ACBD6: variants seen among roughly 807,000 people sequenced by gnomAD.
ACBD6 encodes acyl-CoA-binding domain-containing protein 6.
Under a neutral mutation model 37.2 loss-of-function variants are expected in ACBD6, and 28 were observed. The ratio of observed to expected loss-of-function variants is 0.75; its 90% CI spans 0.56 to 1.03. The LOEUF (loss-of-function observed/expected upper bound fraction) is 1.03. ACBD6 is among the 50% of genes least tolerant of loss of function. ACBD6 has a pLI of 0.00. For synonymous variants in ACBD6, 113 were observed against 126.8 expected (o/e 0.89, Z 0.73); for missense variants, 340 against 337.4 (o/e 1.01, Z -0.06).
At chr1:180,338,351 C>G (rs149767401) in intron 6 of ACBD6, among the ~76,000 whole-genome samples, 3,004 of 152,226 alleles carry the variant, frequency 0.02, 101 homozygotes, top group African/African-American at 0.068. Flanking sequence ...TGGAACAGAA[C>G]AGAGCCCTCA....
intron 3 of ACBD6, among the ~76,000 whole-genome samples, chr1:180,479,526 A>G (rs906951983): frequency 1.3e-5 from 2 of 152,148 alleles, no homozygotes; most frequent in Non-Finnish European, 2.9e-5. Flanking sequence ...AATGAAGAGA[A>G]GTGGGTTAAA....
At chr1:180,294,842 C>T (rs894426356) in intron 7 of ACBD6, among the ~76,000 whole-genome samples, 3 of 151,740 alleles carry the variant, frequency 2.0e-5, no homozygotes, top group African/African-American at 7.3e-5. Flanking sequence ...CTTACAGGCT[C>T]AAACAACTAT....
chr1:180,336,289 G>C (rs1651715646), intron 6 of ACBD6, among the ~76,000 whole-genome samples: 1 of 146,758 alleles, frequency 6.8e-6, no homozygotes, highest in Admixed American at 6.9e-5. Context: ...AAATGTAAAA[G>C]AACAGAAATT....
intron 3 of ACBD6, among the ~76,000 whole-genome samples, chr1:180,490,413 C>T (rs375919897): frequency 8.3e-4 from 125 of 151,472 alleles, no homozygotes; most frequent in African/African-American, 2.9e-3. Flanking sequence ...GAGGCCGAAG[C>T]GGGTGGATCA....
intron 3 of ACBD6, among the ~76,000 whole-genome samples, chr1:180,484,735 C>T (rs143388518): frequency 8.5e-5 from 13 of 152,132 alleles, no homozygotes; most frequent in African/African-American, 2.4e-4. Flanking sequence ...CGTATGTATA[C>T]GTATACATAC....
rs1303508743 is a variant in ACBD6, at chr1:180,465,019, A to G, written c.384+27250T>C. Among the ~76,000 whole-genome samples, 6 of 152,328 alleles carry G rather than the reference A, an allele frequency of 3.9e-5. No homozygotes were observed. In the East Asian group the frequency reaches 9.6e-4, roughly 24 times the overall value. The stretch of plus-strand genomic sequence containing the variant: ...GCTGAACCCCTTCCTTACATCGTAC[A>G]CAAAAATCAATTCAAGATGGATTAA... On this transcript the variant is annotated intron_variant, in intron 3 of 7. Transcript: ENST00000367595.
intron 3 of ACBD6, among the ~76,000 whole-genome samples, chr1:180,440,091 T>C (rs1347852161): frequency 6.6e-6 from 1 of 152,076 alleles, no homozygotes; most frequent in Non-Finnish European, 1.5e-5. Context: ...CTTTTGTTTA[T>C]TTGGAAAAAG....
At chr1:180,297,285 T>C (rs1649956227) in intron 7 of ACBD6, among the ~76,000 whole-genome samples, 1 of 152,172 alleles carries the variant, frequency 6.6e-6, no homozygotes, top group Non-Finnish European at 1.5e-5. Flanking sequence ...ATATATTTTG[T>C]GATCCTTTAC....
chr1:180,370,899 T>C (rs1021373564), intron 6 of ACBD6, among the ~76,000 whole-genome samples: 2 of 152,134 alleles, frequency 1.3e-5, no homozygotes, highest in Admixed American at 6.5e-5. Flanking sequence ...ATGGAAAACA[T>C]GTGGGTTCCA....
intron 2 of ACBD6, among the ~76,000 whole-genome samples, chr1:180,494,512 C>T (rs1379501860): frequency 6.6e-6 from 1 of 152,108 alleles, no homozygotes; most frequent in Non-Finnish European, 1.5e-5. Flanking sequence ...AACTAAACAG[C>T]GTGGTTAGTG....
rs2794963 is a variant in ACBD6 at position 180,270,501 on chromosome 1, C to A, written c.*2724G>T. On this transcript the variant is annotated 3_prime_UTR_variant, in exon 14 of 14. Transcript: ENST00000642319. ...ACATTCACCTGTGCTTCCGAACACACGCACGCGCCTCTCTCTGTACCTGAC... is the reference window on the plus strand; with the variant it reads ...ACATTCACCTGTGCTTCCGAACACAAGCACGCGCCTCTCTCTGTACCTGAC... 3.5e-3 allele frequency: 532 copies of A among 152,312 alleles called. 4 individuals carry two copies. The highest frequency in any genetic ancestry group is 6.0e-3 in the Non-Finnish European group (410 of 68,022). 9.4% of individuals were successfully genotyped at this position (152,312 alleles called of 1,614,324 possible).
At chr1:180,473,612 T>C (rs908879943) in intron 3 of ACBD6, among the ~76,000 whole-genome samples, 1 of 152,290 alleles carries the variant, frequency 6.6e-6, no homozygotes, top group East Asian at 1.9e-4. Context: ...AAGAGATAAA[T>C]TGTCCACACA....
At chr1:180,293,716 C>T (rs1649805503) in intron 7 of ACBD6, among the ~76,000 whole-genome samples, 1 of 152,088 alleles carries the variant, frequency 6.6e-6, no homozygotes, top group Admixed American at 6.5e-5. Context: ...AAATATAGAG[C>T]TATCCAGATT....
chr1:180,358,956 T>C (rs1652738747), intron 6 of ACBD6, among the ~76,000 whole-genome samples: 1 of 152,172 alleles, frequency 6.6e-6, no homozygotes, highest in Non-Finnish European at 1.5e-5. Context: ...AGCTTAATAA[T>C]ACCAGTACAA....
At chr1:180,277,008 G>A (rs578252880) in intron 9 of ACBD6, 1 of 152,276 alleles carries the variant, frequency 6.6e-6, no homozygotes, top group African/African-American at 2.4e-5. Context: ...CAGTTGACGA[G>A]GTCAATAGTT....
At chr1:180,359,894 T>A (rs754234569) in intron 6 of ACBD6, among the ~76,000 whole-genome samples, 7 of 150,050 alleles carry the variant, frequency 4.7e-5, no homozygotes, top group Non-Finnish European at 5.9e-5. Flanking sequence ...ATTCTAAGTA[T>A]TTTTAAGTAA....
At chr1:180,342,914 A>AT (rs529078961) in intron 6 of ACBD6, among the ~76,000 whole-genome samples, 1 of 151,796 alleles carries the variant, frequency 6.6e-6, no homozygotes, top group Non-Finnish European at 1.5e-5. Context: ...AATTGATTGA[A>AT]TTTTTTTTGT....
At chr1:180,439,381 G>A (rs1213501442) in intron 3 of ACBD6, among the ~76,000 whole-genome samples, 2 of 152,190 alleles carry the variant, frequency 1.3e-5, no homozygotes, top group African/African-American at 2.4e-5. Context: ...TCAGGAGATC[G>A]AGACCATCCT....
intron 1 of ACBD6, among the ~76,000 whole-genome samples, chr1:180,495,895 G>T (rs1651719114): frequency 6.6e-6 from 1 of 152,056 alleles, no homozygotes; most frequent in South Asian, 2.1e-4. Flanking sequence ...AAATTAATAA[G>T]GTTTAGAATT....
Sources: allele counts gnomAD v4.1 joint callset (sites outside exome capture counted in the v4.1 genomes callset), GRCh38; gene constraint gnomAD v4.1.1; transcripts MANE v1.5; gene names NCBI Gene and HGNC (gene_info 2026-07-23, HGNC 2026-07-21).